Variants in TMOD1 observed in about 807,000 individuals in gnomAD.
The protein encoded by TMOD1 is tropomodulin 1, also known as tropomodulin-1.
In TMOD1, 17 loss-of-function variants were observed where a neutral mutation model predicts 40.6. That is an observed-to-expected ratio of 0.42 (90% confidence interval 0.29 to 0.63). The LOEUF (loss-of-function observed/expected upper bound fraction) is 0.63. Ranked by LOEUF, TMOD1 falls within the 20% of genes least tolerant of loss-of-function variation. The pLI, the probability that TMOD1 is intolerant of heterozygous loss-of-function variation, is 0.22. For missense variants in TMOD1, 391 were observed against 447.6 expected, an observed-to-expected ratio of 0.87 and a Z score of 1.14; for synonymous variants, 181 against 175.0, an observed-to-expected ratio of 1.03 and a Z score of -0.27.
rs367731849 is a variant in TMOD1 at position 97,551,181 on chromosome 9, G to A, written c.278-2100G>A. Among the ~76,000 whole-genome samples, 640 of 151,576 alleles carry A rather than the reference G, an allele frequency of 4.2e-3. 8 individuals are homozygous for A. Among genetic ancestry groups the A allele is most frequent in the African/African-American group, 0.015 (608 of 41,296 alleles). On this transcript the variant is annotated intron_variant, in intron 3 of 9. Transcript: ENST00000259365. ...TGGGACTACAGGCACGCACCATCACGCCCGGCTAATTTTTGTATTTTTAGT... is the reference window on the plus strand; with the variant it reads ...TGGGACTACAGGCACGCACCATCACACCCGGCTAATTTTTGTATTTTTAGT...
At chr9:97,578,666 T>C (rs989116093) in intron 8 of TMOD1, among the ~76,000 whole-genome samples, 1 of 152,170 alleles carries the variant, frequency 6.6e-6, no homozygotes, top group Non-Finnish European at 1.5e-5. Context: ...ATGGATTCAG[T>C]ATACTCATCT....
At chr9:97,552,706 A>G (rs920531919) in intron 3 of TMOD1, among the ~76,000 whole-genome samples, 2 of 152,188 alleles carry the variant, frequency 1.3e-5, no homozygotes, top group Admixed American at 1.3e-4. Flanking sequence ...CCTTTATACT[A>G]ACTGCTGGAA....
intron 8 of TMOD1, among the ~76,000 whole-genome samples, chr9:97,590,707 C>T (rs1185820914): frequency 6.6e-6 from 1 of 151,548 alleles, no homozygotes; most frequent in African/African-American, 2.4e-5. Flanking sequence ...ATAATATGAT[C>T]AGAATTGGGC....
At chr9:97,530,931 G>A (rs1830088637) in intron 2 of TMOD1, among the ~76,000 whole-genome samples, 1 of 151,088 alleles carries the variant, frequency 6.6e-6, no homozygotes, top group Admixed American at 6.6e-5. Flanking sequence ...GGACTTACAG[G>A]CGCACATCAC....
At chr9:97,572,245 GC>G (rs1456572240) in intron 8 of TMOD1, among the ~76,000 whole-genome samples, 1 of 152,156 alleles carries the variant, frequency 6.6e-6, no homozygotes, top group Admixed American at 6.5e-5. Context: ...AAGCCATGGA[GC>G]CCATCCACAC....
At chr9:97,584,164 C>T (rs1452699743) in intron 8 of TMOD1, among the ~76,000 whole-genome samples, 1 of 151,956 alleles carries the variant, frequency 6.6e-6, no homozygotes, top group Non-Finnish European at 1.5e-5. Context: ...CCTCTACACA[C>T]TGCTTTGAAT....
rs531754759 is a variant in TMOD1 at position 97,534,310 on chromosome 9, T to C, written c.120+10002T>C. ...TGGGTTCACTAGTGTGATGGCCTGA[T>C]GTTCTACTCTGCTGAAAGCCCTGAG... On this transcript the variant is annotated intron_variant, in intron 2 of 9. Coordinates refer to ENST00000259365, the MANE Select transcript of TMOD1 (RefSeq NM_003275.4). 3.9e-5 allele frequency among the ~76,000 whole-genome samples: 6 copies of C among 152,334 alleles called. No homozygotes were observed. The South Asian group carries it at 8.3e-4, about 21-fold the overall frequency.
intron 1 of TMOD1, among the ~76,000 whole-genome samples, chr9:97,522,064 A>C (rs1829925979): frequency 6.6e-6 from 1 of 152,128 alleles, no homozygotes; most frequent in Non-Finnish European, 1.5e-5. Flanking sequence ...GCTTGCATGG[A>C]GGTCTAAATA....
intron 4 of TMOD1, among the ~76,000 whole-genome samples, chr9:97,553,691 C>A (rs912800708): frequency 1.3e-5 from 2 of 152,120 alleles, no homozygotes; most frequent in Non-Finnish European, 2.9e-5. Context: ...CCTTTCCCAG[C>A]CATTAGCGTT....
At chr9:97,574,292 T>C (rs982922913) in intron 8 of TMOD1, among the ~76,000 whole-genome samples, 1 of 151,952 alleles carries the variant, frequency 6.6e-6, no homozygotes, top group Non-Finnish European at 1.5e-5. Flanking sequence ...GGGCGTGCTC[T>C]CGGCGGGCCC....
intron 1 of TMOD1, among the ~76,000 whole-genome samples, chr9:97,514,797 C>T (rs547719419): frequency 3.5e-4 from 54 of 152,300 alleles, no homozygotes; most frequent in African/African-American, 1.2e-3. Flanking sequence ...TAGAAGTGGA[C>T]GAAAGGATTG....
At position 97,502,351 on chromosome 9, in the gene TMOD1, G is replaced by A. The variant is rs1829516474; in HGVS notation, c.-49+548G>A. ...GCTGAGAGTGTTTGGGGCAGGTGAAGTTTCCCAAACTGGGAGAGACAAGGT... is the reference window on the plus strand; with the variant it reads ...GCTGAGAGTGTTTGGGGCAGGTGAAATTTCCCAAACTGGGAGAGACAAGGT... On this transcript the variant is annotated intron_variant, in intron 1 of 9. Coordinates refer to ENST00000259365, the MANE Select transcript of TMOD1 (RefSeq NM_003275.4). This position sits in a 1 kb window ranked among gnomAD's most constrained non-coding sequence, Gnocchi z 6.1. Among the ~76,000 whole-genome samples the A allele has an allele frequency of 1.3e-5, 2 of 152,226 alleles. No individual in the cohort carries two copies. The highest frequency in any genetic ancestry group is 2.9e-5 in the Non-Finnish European group (2 of 68,028).
chr9:97,522,272 G>T (rs1408810672), intron 1 of TMOD1, among the ~76,000 whole-genome samples: 2 of 152,106 alleles, frequency 1.3e-5, no homozygotes, highest in African/African-American at 4.8e-5. Flanking sequence ...TCAATCTTTG[G>T]CATTCCTTGG....
chr9:97,550,992 T>TTATATATATATA (rs1172274297), intron 3 of TMOD1, among the ~76,000 whole-genome samples: 17 of 96,364 alleles, frequency 1.8e-4, no homozygotes, highest in African/African-American at 4.3e-4. Flanking sequence ...TCTAAGAATT[T>TTATATATATATA]TATATATATA....
intron 8 of TMOD1, among the ~76,000 whole-genome samples, chr9:97,575,762 G>GTAAC (rs1029018132): frequency 6.6e-6 from 1 of 152,202 alleles, no homozygotes; most frequent in African/African-American, 2.4e-5. Flanking sequence ...GATACACCTT[G>GTAAC]TAACACCTAA....
chr9:97,551,899 C>G (rs1393450745), intron 3 of TMOD1, among the ~76,000 whole-genome samples: 6 of 152,012 alleles, frequency 3.9e-5, no homozygotes, highest in Non-Finnish European at 8.8e-5. Flanking sequence ...AGTCTTTCAC[C>G]CCTTTGGTTG....
At chr9:97,599,285 T>TAAG (rs558453344) in intron 9 of TMOD1, among the ~76,000 whole-genome samples, 2 of 152,260 alleles carry the variant, frequency 1.3e-5, no homozygotes, top group African/African-American at 4.8e-5. Context: ...CTAATCTCAT[T>TAAG]AAGAAGACTG....
In TMOD1 at chr9:97,600,694, C is replaced by T; in HGVS notation, c.*996C>T. On this transcript the variant is annotated 3_prime_UTR_variant, in exon 10 of 10. Transcript: ENST00000259365. The stretch of plus-strand genomic sequence containing the variant: ...CTGACCTTACGCCTGTATATTAAGC[C>T]TCCGCAGGATGCCGGACAATGGTGA... The T allele has an allele frequency of 1.0e-6, 1 of 1,002,884 alleles. No homozygotes were observed. Among genetic ancestry groups the T allele is most frequent in the Non-Finnish European group, 1.2e-6 (1 of 840,600 alleles). 62.1% of individuals were successfully genotyped at this position (1,002,884 alleles called of 1,614,324 possible). A position where few individuals can be genotyped will look rare whatever the true frequency, so the allele number is the denominator to read the frequency against.
chr9:97,537,764 A>G (rs1419235630), intron 2 of TMOD1, among the ~76,000 whole-genome samples: 5 of 152,270 alleles, frequency 3.3e-5, no homozygotes, highest in Non-Finnish European at 7.3e-5. Flanking sequence ...AAAAAATTCT[A>G]AATTTAAAAC....
Sources: gnomAD v4.1 joint callset for allele counts (sites outside exome capture counted in the v4.1 genomes callset) on GRCh38, gnomAD v4.1.1 for gene constraint, Gnocchi (gnomAD v3.1) non-coding constraint, MANE v1.5 for transcripts, NCBI Gene and HGNC (gene_info 2026-07-23, HGNC 2026-07-21) for gene names.